GBP4: variants seen among roughly 807,000 people sequenced by gnomAD.
GBP4 encodes the protein guanylate binding protein 4.
Under a neutral mutation model 62.2 loss-of-function variants are expected in GBP4, and 69 were observed. That is an observed-to-expected ratio of 1.11 (90% confidence interval 0.91 to 1.36). The LOEUF (loss-of-function observed/expected upper bound fraction) is 1.36, where lower values mean the gene tolerates loss of function less well. Among genes scored for constraint, GBP4 ranks in the 40% most tolerant of loss-of-function variants. GBP4 has a pLI of 0.00. For missense variants in GBP4, 697 were observed against 759.3 expected, an observed-to-expected ratio of 0.92 and a Z score of 0.96; for synonymous variants, 278 against 274.6, an observed-to-expected ratio of 1.01 and a Z score of -0.12.
intron 6 of GBP4, 94 bp downstream of exon 6, chr1:89,191,167 A>T: frequency 7.1e-7 from 1 of 1,405,720 alleles, no homozygotes; most frequent in Non-Finnish European, 9.8e-7. Context: ...TCCTATACAG[A>T]AGCAAACAAT....
At chr1:89,195,504 G>T in intron 2 of GBP4, 80 bp from the exon 3 acceptor site, 1 of 1,540,652 alleles carries the variant, frequency 6.5e-7, no homozygotes, top group Non-Finnish European at 8.9e-7. Context: ...TAAACTTGTA[G>T]GAATGTTTAA....
rs767155638 is a variant in GBP4, at chr1:89,197,272, G to T, written c.73C>A (p.Pro25Thr). Residue 25 changes from proline to threonine, a missense_variant, in exon 2 of 11, where the codon CCC becomes ACC. Transcript: ENST00000355754. ...TCCTGGTTTTCCACTAGACAAATGG[G>T]GGCCATCATGATGGATTCAGATTCT... The part of the protein sequence containing the change: ...YPESESIMMA[P>T]ICLVENQEEQ... 6.2e-7 allele frequency: 1 copy of T among 1,613,868 alleles called. No individual in the cohort carries two copies. Among genetic ancestry groups the T allele is most frequent in the Non-Finnish European group, 8.5e-7 (1 of 1,179,902 alleles).
chr1:89,197,431 G>A, intron 1 of GBP4, 127 bp from the exon 2 acceptor site: 1 of 603,260 alleles, frequency 1.7e-6, no homozygotes, highest in Non-Finnish European at 2.8e-6. Context: ...CATTTTAATG[G>A]TATATAAATA....
Position 89,181,782 on chromosome 1 carries a change from GAAC to G in GBP4, c.*3469_*3471del, listed in dbSNP as rs1209200669. On this transcript the variant is annotated 3_prime_UTR_variant, in exon 11 of 11. Coordinates refer to ENST00000355754, the MANE Select transcript of GBP4 (RefSeq NM_052941.5). ...AACAAGAACCTTATAGTTTTCCTTTGAACAACTTTTATTGTTAGTAAAATTCAA... is the reference window on the plus strand; with the variant it reads ...AACAAGAACCTTATAGTTTTCCTTTGAACTTTTATTGTTAGTAAAATTCAA... The G allele has an allele frequency of 6.6e-6, 1 of 151,948 alleles. No homozygotes were observed. Among genetic ancestry groups the G allele is most frequent in the Non-Finnish European group, 1.5e-5 (1 of 68,004 alleles). The allele number at this position is 151,948 out of a possible 1,614,324, so 9.4% of individuals were successfully genotyped here.
In GBP4 at chr1:89,190,037, C is replaced by T. The variant is rs41296177; in HGVS notation, c.1197+1G>A. 4.5e-3 allele frequency: 7,217 copies of T among 1,604,458 alleles called. 25 individuals carry two copies. The highest frequency in any genetic ancestry group is 9.6e-3 in the Middle Eastern group (54 of 5,628). On this transcript the variant is annotated splice_donor_variant, in intron 7 of 10. Transcript: ENST00000355754. LOFTEE classifies it high-confidence loss of function. ...TCAGGAAGGATAAATGCTAAAAGTA[C>T]CACAAGCTTCTTCTGGAATTCATGG...
intron 8 of GBP4, among the ~76,000 whole-genome samples, chr1:89,187,374 C>G (rs962452096): frequency 2.0e-5 from 3 of 152,120 alleles, no homozygotes; most frequent in Admixed American, 2.0e-4. Flanking sequence ...CACCCACCCC[C>G]GGTGCAGACA....
Position 89,185,311 on chromosome 1 carries a change from T to C in GBP4, c.1866A>G (p.Leu622=), listed in dbSNP as rs750202585. 2.5e-6 allele frequency: 4 copies of C among 1,613,778 alleles called. No homozygotes were observed. The South Asian group carries it at 3.3e-5, about 13-fold the overall frequency. Residue 622 remains leucine (L), a synonymous_variant, in exon 11 of 11, where the codon CTA becomes CTG. Coordinates refer to ENST00000355754, the MANE Select transcript of GBP4 (RefSeq NM_052941.5). ...CTCCAAGTAGCTTGGAAGCCCCAGG[T>C]AGAGTGACAATCATTATGTTGCTAG... ...DMASNIMIVT[L]PGASKLLGVG... is the part of the protein sequence containing the mutation.
intron 1 of GBP4, among the ~76,000 whole-genome samples, chr1:89,197,603 G>A (rs1037792935): frequency 1.3e-5 from 2 of 152,106 alleles, no homozygotes; most frequent in African/African-American, 2.4e-5. Context: ...TCAAGGTGAT[G>A]CATAAAATAA....
In GBP4 at chr1:89,198,592, G is replaced by T. The variant is rs1392454658; in HGVS notation, c.40+203C>A. 4 of 592,922 alleles carry T rather than the reference G, an allele frequency of 6.7e-6. No homozygotes were observed. The East Asian group carries it at 1.2e-4, about 17-fold the overall frequency. 36.7% of individuals were successfully genotyped at this position (592,922 alleles called of 1,614,324 possible). Reference sequence around the variant, plus strand: ...CGCCTCTGGTCGCCGCCTGTGGACCGTCTAGAGACGCTGGGCCACACGGAG... The same window carrying T: ...CGCCTCTGGTCGCCGCCTGTGGACCTTCTAGAGACGCTGGGCCACACGGAG... On this transcript the variant is annotated intron_variant, in intron 1 of 10. Coordinates refer to ENST00000355754, the MANE Select transcript of GBP4 (RefSeq NM_052941.5).
rs747032080 is a variant in GBP4, at chr1:89,190,060, TGG to T, written c.1173_1174del (p.Asn391LysfsTer2). 6.2e-7 allele frequency: 1 copy of T among 1,608,378 alleles called. No individual in the cohort carries two copies. The highest frequency in any genetic ancestry group is 8.5e-7 in the Non-Finnish European group (1 of 1,175,576). On this transcript the variant is annotated frameshift_variant, in exon 7 of 11. Transcript: ENST00000355754. LOFTEE classifies it high-confidence loss of function. Reference sequence around the variant, plus strand: ...TACCACAAGCTTCTTCTGGAATTCATGGTTTTCATCCTTGAAGGAGTGCTCCA... The same window carrying T: ...TACCACAAGCTTCTTCTGGAATTCATTTTTCATCCTTGAAGGAGTGCTCCA...
At chr1:89,195,101 G>C (rs1648294392) in intron 3 of GBP4, among the ~76,000 whole-genome samples, 196 bp downstream of exon 3, 1 of 151,982 alleles carries the variant, frequency 6.6e-6, no homozygotes, top group South Asian at 2.1e-4. Context: ...ATTCACTCCA[G>C]TGTTAAAAAT....
chr1:89,195,402 C>T lies in GBP4; in HGVS notation c.258G>A (p.Val86=), dbSNP rs1450723067. The T allele has an allele frequency of 1.2e-6, 2 of 1,613,778 alleles. No individual in the cohort carries two copies. Among genetic ancestry groups the T allele is most frequent in the African/African-American group, 1.3e-5 (1 of 74,910 alleles). ...TCCAGATGCCCTTAGTTTCAGACTG[C>T]ACCGTGGAGCCCAGAGGGAAGCCTG... ...KRNGFPLGST[V]QSETKGIWMW... The change falls in exon 3 of 11, where the codon GTG becomes GTA. Residue 86 remains valine (V), a synonymous_variant. Coordinates refer to ENST00000355754, the MANE Select transcript of GBP4 (RefSeq NM_052941.5).
At chr1:89,197,042 A>T in intron 2 of GBP4, 68 bp downstream of exon 2, 1 of 1,358,080 alleles carries the variant, frequency 7.4e-7, no homozygotes, top group Non-Finnish European at 1.0e-6. Context: ...ATGACCCTAG[A>T]GGGGGTGTGA....
intron 8 of GBP4, 121 bp from the exon 9 acceptor site, chr1:89,187,223 T>C (rs1241214869): frequency 1.6e-5 from 12 of 751,296 alleles, no homozygotes; most frequent in East Asian, 5.5e-5. Context: ...ATTCTTAAGA[T>C]CCAGTGGTTT....
chr1:89,196,926 T>C (rs186411954), intron 2 of GBP4, among the ~76,000 whole-genome samples, 184 bp downstream of exon 2: 2 of 152,204 alleles, frequency 1.3e-5, no homozygotes, highest in African/African-American at 4.8e-5. Flanking sequence ...AGGGTTGAGA[T>C]GATTCTTTAC....
At chr1:89,192,612 T>C (rs931877526) in intron 5 of GBP4, among the ~76,000 whole-genome samples, 3 of 152,250 alleles carry the variant, frequency 2.0e-5, no homozygotes, top group African/African-American at 7.2e-5. Flanking sequence ...TAGGATGTGA[T>C]AATATTAATT....
intron 8 of GBP4, 55 bp from the exon 9 acceptor site, chr1:89,187,157 G>A: frequency 7.2e-7 from 1 of 1,389,262 alleles, no homozygotes; most frequent in South Asian, 1.2e-5. Flanking sequence ...CTCATCTTAT[G>A]ATGGCGAAAT....
Position 89,188,568 on chromosome 1 carries a change from C to A in GBP4, c.1410+14G>T, listed in dbSNP as rs763194955. The A allele has an allele frequency of 6.2e-7, 1 of 1,602,608 alleles. No individual in the cohort carries two copies. Among genetic ancestry groups the A allele is most frequent in the African/African-American group, 1.3e-5 (1 of 74,672 alleles). Reference sequence around the variant, plus strand: ...TATCCTCTGTTATCCATCCCCCATTCCCCTTTTCCTCACCTTAACTCCTTT... The same window carrying A: ...TATCCTCTGTTATCCATCCCCCATTACCCTTTTCCTCACCTTAACTCCTTT... On this transcript the variant is annotated intron_variant, in intron 8 of 10. Transcript: ENST00000355754.
intron 8 of GBP4, 132 bp downstream of exon 8, chr1:89,188,450 T>A: frequency 1.3e-6 from 1 of 742,072 alleles, no homozygotes; most frequent in South Asian, 1.7e-5. Flanking sequence ...ATTTAAATAC[T>A]AAAAAACTCA....
Sources: allele counts gnomAD v4.1 joint callset (sites outside exome capture counted in the v4.1 genomes callset), GRCh38; gene constraint gnomAD v4.1.1; transcripts MANE v1.5; gene names NCBI Gene and HGNC (gene_info 2026-07-23, HGNC 2026-07-21).